Variants in ALG9 observed in about 807,000 individuals in gnomAD.
The protein encoded by ALG9 is ALG9 alpha-1,2-mannosyltransferase.
Under a neutral mutation model 81.8 loss-of-function variants are expected in ALG9, and 55 were observed. That is an observed-to-expected ratio of 0.67 (90% CI 0.54 to 0.84). The LOEUF is 0.84. ALG9 is among the 40% of genes least tolerant of loss of function. The pLI, the probability that ALG9 is intolerant of heterozygous loss-of-function variation, is 0.00. For missense variants in ALG9, 629 were observed against 745.0 expected (o/e 0.84, Z 1.81); for synonymous variants, 278 against 274.3 (o/e 1.01, Z -0.13).
At chr11:111,810,326 A>G (rs1555090046) in intron 13 of ALG9, among the ~76,000 whole-genome samples, 1 of 152,236 alleles carries the variant, frequency 6.6e-6, no homozygotes, top group East Asian at 1.9e-4. Context: ...GTGAGATATC[A>G]GAACTCTGCT....
In ALG9 at chr11:111,844,730, G is replaced by C; in HGVS notation, c.896-7C>G. 1 of 1,613,410 alleles carries C rather than the reference G, an allele frequency of 6.2e-7. No individual in the cohort carries two copies. Among genetic ancestry groups the C allele is most frequent in the Non-Finnish European group, 8.5e-7 (1 of 1,179,508 alleles). On this transcript the variant is annotated splice_region_variant and splice_polypyrimidine_tract_variant and intron_variant, in intron 8 of 14. Coordinates refer to ENST00000616540, the MANE Select transcript of ALG9 (RefSeq NM_024740.2). ...AAATACCAGGGTTCTGTACCTGAGG[G>C]AGACATAAAGGTAAGAAATCATTAG...
intron 13 of ALG9, among the ~76,000 whole-genome samples, chr11:111,835,139 A>T (rs1955022799): frequency 6.6e-6 from 1 of 152,260 alleles, no homozygotes. Context: ...TTTTAAGCAT[A>T]TGACATAAGA....
chr11:111,840,729 T>C lies in ALG9; in HGVS notation c.1099A>G (p.Lys367Glu), dbSNP rs1956092281. 1.9e-6 allele frequency: 3 copies of C among 1,613,774 alleles called. No homozygotes were observed. The highest frequency in any genetic ancestry group is 2.7e-5 in the African/African-American group (2 of 74,836). The change falls in exon 10 of 15, where the codon AAA becomes GAA. Residue 367 changes from lysine to glutamate, a missense_variant. Physicochemically the swap from Lys to Glu is moderately conservative, Grantham distance 56. Around this residue, in one of 3 missense-constraint regions of ALG9, gnomAD observed 264 missense variants for 302.2 expected, o/e 0.87. Coordinates refer to ENST00000616540, the MANE Select transcript of ALG9 (RefSeq NM_024740.2). The stretch of plus-strand genomic sequence containing the variant: ...ACAGGGAAAAGAAATCTCTCCTCTT[T>C]GTGAGGCTGGATGAAGAAAATTATA... Reference protein sequence around the residue: ...WFIIFFIQPHKEERFLFPVYP... With the variant: ...WFIIFFIQPHEEERFLFPVYP...
At chr11:111,814,363 G>C (rs1259474602) in intron 13 of ALG9, among the ~76,000 whole-genome samples, 4 of 152,162 alleles carry the variant, frequency 2.6e-5, no homozygotes, top group Non-Finnish European at 5.9e-5. Flanking sequence ...TACCACAGGA[G>C]TCAGGAGACT....
In ALG9 at chr11:111,815,158, G is replaced by A. The variant is rs118035602; in HGVS notation, c.1603-5385C>T. Among the ~76,000 whole-genome samples the A allele has an allele frequency of 8.2e-3, 1,244 of 152,236 alleles. 6 individuals carry two copies. Among genetic ancestry groups the A allele is most frequent in the Middle Eastern group, 0.051 (15 of 294 alleles). Reference sequence around the variant, plus strand: ...GCTTCATTTATCATATCATCCCTAAGCAAATTCCATTTAAAGTAAAGGTCT... The same window carrying A: ...GCTTCATTTATCATATCATCCCTAAACAAATTCCATTTAAAGTAAAGGTCT... On this transcript the variant is annotated intron_variant, in intron 13 of 14. Transcript: ENST00000616540.
At chr11:111,804,132 C>CAAAAA (rs140492079) in intron 14 of ALG9, among the ~76,000 whole-genome samples, 4 of 85,366 alleles carry the variant, frequency 4.7e-5, no homozygotes, top group Non-Finnish European at 6.8e-5. Flanking sequence ...GACTCCATCT[C>CAAAAA]AAAAAAAAAA....
intron 6 of ALG9, among the ~76,000 whole-genome samples, chr11:111,854,968 C>T (rs1181395274): frequency 6.6e-6 from 1 of 152,122 alleles, no homozygotes; most frequent in African/African-American, 2.4e-5. Flanking sequence ...CGAAATGTGG[C>T]ACCCAAGAGG....
At chr11:111,786,660 G>A (rs568793077) in intron 14 of ALG9, 140 bp from the exon 15 acceptor site, 27 of 1,030,132 alleles carry the variant, frequency 2.6e-5, no homozygotes, top group African/African-American at 8.1e-5. Context: ...CTATTATTTC[G>A]GTACTAGATC....
intron 10 of ALG9, among the ~76,000 whole-genome samples, chr11:111,839,566 G>T (rs1955880163): frequency 7.9e-6 from 1 of 126,388 alleles, no homozygotes; most frequent in South Asian, 3.0e-4. Context: ...TCCAGCCTGG[G>T]CGACAGAGCA....
At chr11:111,848,545 A>G (rs1555133158) in intron 8 of ALG9, among the ~76,000 whole-genome samples, 1 of 140,442 alleles carries the variant, frequency 7.1e-6, no homozygotes. Context: ...AGTCGAGGTC[A>G]CCCCACTGCA....
rs1003393435 is a variant in ALG9, at chr11:111,870,260, C to T, written c.242G>A (p.Cys81Tyr). 1 of 1,610,332 alleles carries T rather than the reference C, an allele frequency of 6.2e-7. No homozygotes were observed. Among genetic ancestry groups the T allele is most frequent in the Non-Finnish European group, 8.5e-7 (1 of 1,178,958 alleles). Residue 81 changes from cysteine (C) to tyrosine (Y), a missense_variant, in exon 2 of 15, where the codon TGT becomes TAT. Physicochemically the swap from Cys to Tyr is radical, Grantham distance 194 (BLOSUM62 -2). Coordinates refer to ENST00000616540, the MANE Select transcript of ALG9 (RefSeq NM_024740.2). ...CTCCCAGTAGTTGAATGTTTCATCA[C>T]AGTCAGAGATGTTGCTCAGGAGAGC... ...CAALLSNISD[C>Y]DETFNYWEPT...
chr11:111,871,287 C>G (rs1964214225), intron 1 of ALG9, 65 bp downstream of exon 1: 1 of 1,364,772 alleles, frequency 7.3e-7, no homozygotes, highest in Non-Finnish European at 9.3e-7. Context: ...CAGCTAAGAC[C>G]CTCCCGGGGG....
Position 111,868,590 on chromosome 11 carries a change from G to A in ALG9, c.405+12C>T, listed in dbSNP as rs541741085. ...ATCAATTGTGATTGCTTCCAGGTTGGTCTGCCCTTACCTTATTAGTTTGTA... is the reference window on the plus strand; with the variant it reads ...ATCAATTGTGATTGCTTCCAGGTTGATCTGCCCTTACCTTATTAGTTTGTA... On this transcript the variant is annotated intron_variant, in intron 3 of 14. Transcript: ENST00000616540. The A allele has an allele frequency of 6.2e-7, 1 of 1,612,034 alleles. No individual in the cohort carries two copies. Among genetic ancestry groups the A allele is most frequent in the South Asian group, 1.1e-5 (1 of 90,654 alleles).
intron 13 of ALG9, among the ~76,000 whole-genome samples, chr11:111,810,627 A>G (rs775699017): frequency 3.3e-4 from 50 of 152,148 alleles, no homozygotes; most frequent in South Asian, 1.2e-3. Flanking sequence ...GTGGTGGCAC[A>G]TATCTGTAGT....
intron 6 of ALG9, among the ~76,000 whole-genome samples, chr11:111,857,224 C>T: frequency 6.6e-6 from 1 of 152,278 alleles, no homozygotes; most frequent in East Asian, 1.9e-4. Context: ...GAGAAAACAT[C>T]AGCTATAGAG....
intron 6 of ALG9, among the ~76,000 whole-genome samples, chr11:111,855,670 CA>C (rs1958552050): frequency 6.6e-6 from 1 of 152,224 alleles, no homozygotes; most frequent in Admixed American, 6.5e-5. Flanking sequence ...ATGAATTCAG[CA>C]GCTATCTACT....
chr11:111,834,644 C>T (rs1954927092), intron 13 of ALG9, among the ~76,000 whole-genome samples: 1 of 152,114 alleles, frequency 6.6e-6, no homozygotes, highest in Admixed American at 6.5e-5. Flanking sequence ...AAAGTCCACG[C>T]TCTTTTTTTT....
intron 8 of ALG9, among the ~76,000 whole-genome samples, chr11:111,848,479 A>G (rs1345347321): frequency 6.6e-6 from 1 of 151,702 alleles, no homozygotes; most frequent in Non-Finnish European, 1.5e-5. Context: ...AATCCCAGCT[A>G]CTCAGGAGGC....
intron 4 of ALG9, among the ~76,000 whole-genome samples, chr11:111,861,511 G>A (rs376972577): frequency 2.9e-4 from 44 of 151,870 alleles, no homozygotes; most frequent in African/African-American, 9.2e-4. Flanking sequence ...ACTCTCTGTC[G>A]CTCAGGCTGG....
Sources: gnomAD v4.1 joint callset for allele counts (sites outside exome capture counted in the v4.1 genomes callset) on GRCh38, gnomAD v4.1.1 for gene constraint, gnomAD v4.1.1 regional missense constraint, MANE v1.5 for transcripts, NCBI Gene and HGNC (gene_info 2026-07-23, HGNC 2026-07-21) for gene names.